RHEX: variants seen among roughly 807,000 people sequenced by gnomAD.
The protein encoded by RHEX is regulator of hemoglobinization and erythroid cell expansion.
RHEX carries 18 observed loss-of-function variants against 20.1 expected under a neutral mutation model. The observed-to-expected ratio is 0.90, with a 90% CI of 0.62 to 1.33. The LOEUF is 1.33. Among genes scored for constraint, RHEX ranks in the 40% most tolerant of loss-of-function variants. The probability of loss-of-function intolerance (pLI) is 0.00; values close to 1 mark genes in which losing one functional copy is unlikely to be tolerated. For missense variants in RHEX, 192 were observed against 214.3 expected (o/e 0.90, Z 0.65); for synonymous variants, 87 against 77.1 (o/e 1.13, Z -0.67).
intron 1 of RHEX, among the ~76,000 whole-genome samples, chr1:206,091,942 A>C (rs900184278): frequency 6.6e-6 from 1 of 152,082 alleles, no homozygotes; most frequent in Non-Finnish European, 1.5e-5. Flanking sequence ...TGTGTTCCTT[A>C]AAAGTTTGAA....
chr1:206,078,108 G>T (rs1662668757), intron 1 of RHEX, among the ~76,000 whole-genome samples: 1 of 152,172 alleles, frequency 6.6e-6, no homozygotes, highest in Admixed American at 6.5e-5. Context: ...TGAATTTCGT[G>T]TTCAGGCTTG....
intron 1 of RHEX, among the ~76,000 whole-genome samples, chr1:206,065,139 C>T (rs1276835059): frequency 6.6e-6 from 1 of 152,142 alleles, no homozygotes; most frequent in Non-Finnish European, 1.5e-5. Context: ...ACAAATGCTG[C>T]GGAAGGCCGC....
At chr1:206,086,907 T>C (rs1335865324) in intron 1 of RHEX, among the ~76,000 whole-genome samples, 1 of 151,992 alleles carries the variant, frequency 6.6e-6, no homozygotes, top group African/African-American at 2.4e-5. Context: ...CTCGGGAGGC[T>C]GAGGTGGGAG....
At chr1:206,070,221 AT>A (rs1662501685) in intron 1 of RHEX, among the ~76,000 whole-genome samples, 1 of 152,130 alleles carries the variant, frequency 6.6e-6, no homozygotes, top group African/African-American at 2.4e-5. Context: ...AGAAGGGTCT[AT>A]AGTCCTGCCC....
rs782702337 is a variant in RHEX, at chr1:206,099,635, C to T, written c.113-20C>T. 3.1e-6 allele frequency: 5 copies of T among 1,611,968 alleles called. No homozygotes were observed. Among genetic ancestry groups the T allele is most frequent in the Non-Finnish European group, 4.2e-6 (5 of 1,179,302 alleles). ...CGCCTGGCCAGTTTCCACTTTTGAT[C>T]CCTGCCCTCTCCCTTCCAGCCCACA... On this transcript the variant is annotated intron_variant, in intron 3 of 5. Coordinates refer to ENST00000331555, the MANE Select transcript of RHEX (RefSeq NM_001007544.4).
At chr1:206,096,153 C>T (rs1026154678) in intron 1 of RHEX, among the ~76,000 whole-genome samples, 16 of 152,124 alleles carry the variant, frequency 1.1e-4, no homozygotes, top group Non-Finnish European at 1.6e-4. Context: ...TTTTCTAAAA[C>T]GTGTTGCTCA....
intron 1 of RHEX, among the ~76,000 whole-genome samples, chr1:206,063,225 G>T (rs1448619203): frequency 6.6e-6 from 1 of 152,192 alleles, no homozygotes; most frequent in African/African-American, 2.4e-5. Flanking sequence ...GAAAAGCGAG[G>T]AGATGAATGT....
chr1:206,094,816 C>A (rs28699261), intron 1 of RHEX, among the ~76,000 whole-genome samples: 1 of 152,020 alleles, frequency 6.6e-6, no homozygotes, highest in Non-Finnish European at 1.5e-5. Flanking sequence ...CCAAAGTGTA[C>A]GCTCTGAGTA....
rs1663206624 is a variant in RHEX at position 206,102,205 on chromosome 1, C to T, written c.*253C>T. On this transcript the variant is annotated 3_prime_UTR_variant, in exon 6 of 6. Transcript: ENST00000331555. ...GCTTGGCTGGGAAAACAGGCCAATGCCCCGGCAAGAAAGGTTGAGATCAGA... is the reference window on the plus strand; with the variant it reads ...GCTTGGCTGGGAAAACAGGCCAATGTCCCGGCAAGAAAGGTTGAGATCAGA... 9.7e-6 allele frequency: 5 copies of T among 517,380 alleles called. No individual in the cohort carries two copies. Among genetic ancestry groups the T allele is most frequent in the Non-Finnish European group, 1.7e-5 (5 of 289,586 alleles). 32.0% of individuals were successfully genotyped at this position (517,380 alleles called of 1,614,324 possible).
chr1:206,071,462 A>G (rs1662526860), intron 1 of RHEX, among the ~76,000 whole-genome samples: 1 of 151,812 alleles, frequency 6.6e-6, no homozygotes, highest in Non-Finnish European at 1.5e-5. Flanking sequence ...CTTCAATCCA[A>G]TCAAATTGAC....
In RHEX at chr1:206,076,595, A is replaced by T. The variant is rs564801107; in HGVS notation, c.-96-21138A>T. Among the ~76,000 whole-genome samples, 10 of 152,368 alleles carry T rather than the reference A, an allele frequency of 6.6e-5. No homozygotes were observed. In the East Asian group the frequency reaches 1.9e-3, roughly 29 times the overall value. On this transcript the variant is annotated intron_variant, in intron 1 of 5. Coordinates refer to ENST00000331555, the MANE Select transcript of RHEX (RefSeq NM_001007544.4). ...TTGACAACTGTTCTGCTCATCTTCC[A>T]GCTGAAATTCTCATCAAAAATGTTT...
chr1:206,065,409 G>A (rs1553284081), intron 1 of RHEX, among the ~76,000 whole-genome samples: 1 of 152,202 alleles, frequency 6.6e-6, no homozygotes, highest in East Asian at 1.9e-4. Context: ...ATGCTTCTCT[G>A]GAGGCAGCTA....
Position 206,097,852 on chromosome 1 carries a change from AAC to A in RHEX, c.11+15_11+16del. The A allele has an allele frequency of 6.3e-7, 1 of 1,580,070 alleles. No homozygotes were observed. Among genetic ancestry groups the A allele is most frequent in the Non-Finnish European group, 8.7e-7 (1 of 1,148,724 alleles). ...TCATGCTGACAGAGTGAGTGGGCCC[AAC>A]AAGAGCAGGAGCAAGGTTCCCACCA... On this transcript the variant is annotated intron_variant, in intron 2 of 5. Transcript: ENST00000331555.
chr1:206,061,892 T>G (rs1313511225), intron 1 of RHEX: 1 of 151,782 alleles, frequency 6.6e-6, no homozygotes, highest in Non-Finnish European at 1.5e-5. Flanking sequence ...ACCCTTTGCT[T>G]TAGATTTATG....
At position 206,102,238 on chromosome 1, in the gene RHEX, A is replaced by G; in HGVS notation, c.*286A>G. The G allele has an allele frequency of 4.5e-6, 2 of 441,090 alleles. No individual in the cohort carries two copies. Among genetic ancestry groups the G allele is most frequent in the Non-Finnish European group, 8.2e-6 (2 of 242,752 alleles). The allele number at this position is 441,090 out of a possible 1,614,324, so 27.3% of individuals were successfully genotyped here. A position where few individuals can be genotyped will look rare whatever the true frequency, so the allele number is the denominator to read the frequency against. ...AGAAAGGTTGAGATCAGATGTTAGG[A>G]AGAACTTTCAGGTAAAGTATGAGAA... On this transcript the variant is annotated 3_prime_UTR_variant, in exon 6 of 6. Coordinates refer to ENST00000331555, the MANE Select transcript of RHEX (RefSeq NM_001007544.4).
chr1:206,099,865 C>A, intron 4 of RHEX, 67 bp downstream of exon 4: 1 of 1,495,172 alleles, frequency 6.7e-7, no homozygotes, highest in Non-Finnish European at 9.2e-7. Flanking sequence ...CACCCAGGAC[C>A]TCCCTGCAGC....
chr1:206,082,390 C>T (rs1361838082), intron 1 of RHEX, among the ~76,000 whole-genome samples: 5 of 151,824 alleles, frequency 3.3e-5, no homozygotes, highest in Admixed American at 2.6e-4. Flanking sequence ...TGGTGGCACT[C>T]ACCTGTAATG....
intron 3 of RHEX, among the ~76,000 whole-genome samples, chr1:206,098,921 T>C (rs1218276243): frequency 6.6e-6 from 1 of 152,100 alleles, no homozygotes; most frequent in African/African-American, 2.4e-5. Context: ...TTATGGTAAG[T>C]GCTAGGGAGG....
At chr1:206,101,240 T>C (rs1663180783) in intron 5 of RHEX, 43 bp downstream of exon 5, 2 of 1,478,216 alleles carry the variant, frequency 1.4e-6, no homozygotes, top group Non-Finnish European at 1.9e-6. Flanking sequence ...ATATGCAGTC[T>C]GGGGATCCCT....
Sources: allele counts gnomAD v4.1 joint callset (sites outside exome capture counted in the v4.1 genomes callset), GRCh38; gene constraint gnomAD v4.1.1; transcripts MANE v1.5; gene names NCBI Gene and HGNC (gene_info 2026-07-23, HGNC 2026-07-21).